The following CDH13 variants were observed in gnomAD, a reference collection of about 807,000 sequenced individuals.
CDH13 encodes cadherin 13, also known as cadherin-13.
In CDH13, 24 loss-of-function variants were observed where a neutral mutation model predicts 63.8. The observed-to-expected ratio is 0.38, with a 90% CI of 0.27 to 0.53. The LOEUF is 0.53. Ranked by LOEUF, CDH13 falls within the 20% of genes least tolerant of loss-of-function variation. The pLI, the probability that CDH13 is intolerant of heterozygous loss-of-function variation, is 0.85. For synonymous variants in CDH13, 503 were observed against 355.3 expected (o/e 1.42, Z -4.67); for missense variants, 1,049 against 903.1 (o/e 1.16, Z -2.07).
intron 10 of CDH13, among the ~76,000 whole-genome samples, chr16:83,729,855 T>G (rs422455): frequency 0.53 from 81,311 of 152,024 alleles, 22,534 homozygotes; most frequent in Non-Finnish European, 0.61. Flanking sequence ...GCAGCAAATC[T>G]GTTTGGGATT....
chr16:82,974,454 A>G lies in CDH13; in HGVS notation c.158-57556A>G, dbSNP rs776247170. On this transcript the variant is annotated intron_variant, in intron 2 of 13. Transcript: ENST00000567109. ...GGGTGTAAAAGGTTCCTTGGCTTAT[A>G]TTTGCCCAGAAATGGAATTTCTGGA... 1.5e-3 allele frequency among the ~76,000 whole-genome samples: 235 copies of G among 152,300 alleles called. 2 individuals carry two copies. Among genetic ancestry groups the G allele is most frequent in the Non-Finnish European group, 2.7e-3 (182 of 68,026 alleles).
intron 10 of CDH13, among the ~76,000 whole-genome samples, chr16:83,745,382 C>T (rs972684539): frequency 6.6e-6 from 1 of 152,114 alleles, no homozygotes; most frequent in African/African-American, 2.4e-5. Context: ...CAACCCAGAC[C>T]GCCTCTGTGT....
intron 5 of CDH13, among the ~76,000 whole-genome samples, chr16:83,236,107 T>C (rs2040134224): frequency 6.6e-6 from 1 of 152,218 alleles, no homozygotes; most frequent in South Asian, 2.1e-4. Context: ...CTCCAAAGTA[T>C]GTGGACGCTC....
At chr16:83,636,385 G>C (rs142564155) in intron 8 of CDH13, among the ~76,000 whole-genome samples, 28 of 152,210 alleles carry the variant, frequency 1.8e-4, no homozygotes, top group Non-Finnish European at 2.8e-4. Flanking sequence ...CTAGGGTTTG[G>C]AGCATGATGA....
At chr16:82,768,620 C>A (rs1014466514) in intron 1 of CDH13, among the ~76,000 whole-genome samples, 2 of 152,292 alleles carry the variant, frequency 1.3e-5, no homozygotes, top group Middle Eastern at 3.4e-3. Context: ...AAATCTTTAT[C>A]CCTATCTCAA....
chr16:82,955,525 C>CT (rs1449945275), intron 2 of CDH13, among the ~76,000 whole-genome samples: 4 of 152,164 alleles, frequency 2.6e-5, no homozygotes, highest in Admixed American at 6.5e-5. Context: ...CATTTTTGGC[C>CT]TGCAGTTTCT....
intron 6 of CDH13, among the ~76,000 whole-genome samples, chr16:83,347,805 G>A (rs1282833075): frequency 1.3e-5 from 2 of 152,176 alleles, no homozygotes; most frequent in African/African-American, 4.8e-5. Flanking sequence ...GCAAATTCTG[G>A]CCACATCTGC....
intron 10 of CDH13, among the ~76,000 whole-genome samples, chr16:83,702,651 C>A (rs1020334119): frequency 6.6e-6 from 1 of 152,198 alleles, no homozygotes; most frequent in Non-Finnish European, 1.5e-5. Flanking sequence ...CATCTCCCCA[C>A]CAGGCCATGA....
chr16:83,720,935 C>T (rs1167081325), intron 10 of CDH13, among the ~76,000 whole-genome samples: 3 of 152,206 alleles, frequency 2.0e-5, no homozygotes, highest in African/African-American at 4.8e-5. Context: ...GAGCATTCCT[C>T]GGTGTGGGAG....
chr16:83,186,885 C>T (rs986985804), intron 4 of CDH13, among the ~76,000 whole-genome samples: 2 of 152,106 alleles, frequency 1.3e-5, no homozygotes, highest in African/African-American at 4.8e-5. Flanking sequence ...CTGGGATCCC[C>T]TGTGAAGGTG....
At chr16:82,642,318 C>A (rs11645359) in intron 1 of CDH13, among the ~76,000 whole-genome samples, 98,230 of 152,018 alleles carry the variant, frequency 0.65, 32,540 homozygotes, top group East Asian at 0.89. Context: ...TAGCCTTGAA[C>A]TCTTTTAAGT....
At chr16:83,571,255 T>G (rs1311080696) in intron 7 of CDH13, among the ~76,000 whole-genome samples, 5 of 152,136 alleles carry the variant, frequency 3.3e-5, no homozygotes, top group Non-Finnish European at 4.4e-5. Context: ...ATGTTTTATT[T>G]GCAAGAGAAT....
At chr16:82,751,961 C>T (rs538169523) in intron 1 of CDH13, among the ~76,000 whole-genome samples, 1 of 152,146 alleles carries the variant, frequency 6.6e-6, no homozygotes, top group African/African-American at 2.4e-5. Flanking sequence ...ATCTGTCTTC[C>T]AGAAACATAC....
chr16:82,647,504 G>C (rs982574004), intron 1 of CDH13, among the ~76,000 whole-genome samples: 4 of 152,140 alleles, frequency 2.6e-5, no homozygotes, highest in African/African-American at 9.7e-5. Context: ...ACTCAGGCAG[G>C]TACTGCTCTG....
intron 5 of CDH13, among the ~76,000 whole-genome samples, chr16:83,264,083 C>T (rs562412971): frequency 1.4e-4 from 21 of 152,244 alleles, no homozygotes; most frequent in African/African-American, 5.1e-4. Context: ...AACATACTGC[C>T]ATTATCATAA....
At chr16:82,795,667 T>C (rs2036544699) in intron 1 of CDH13, among the ~76,000 whole-genome samples, 1 of 152,158 alleles carries the variant, frequency 6.6e-6, no homozygotes, top group Non-Finnish European at 1.5e-5. Context: ...GAGACCTGCA[T>C]TTATCTGTAG....
chr16:83,270,171 C>G (rs995975984), intron 5 of CDH13, among the ~76,000 whole-genome samples: 5 of 152,170 alleles, frequency 3.3e-5, no homozygotes, highest in Non-Finnish European at 5.9e-5. Flanking sequence ...GGGCAATAAT[C>G]TATTGAAATA....
At chr16:82,850,739 C>T (rs1032100956) in intron 1 of CDH13, among the ~76,000 whole-genome samples, 2 of 152,188 alleles carry the variant, frequency 1.3e-5, no homozygotes, top group Admixed American at 6.5e-5. Flanking sequence ...CCCCAACCTT[C>T]ACAACCGCCA....
At chr16:83,758,842 T>C (rs1335924988) in intron 11 of CDH13, among the ~76,000 whole-genome samples, 1 of 152,216 alleles carries the variant, frequency 6.6e-6, no homozygotes, top group Non-Finnish European at 1.5e-5. Flanking sequence ...TCCTCTACAA[T>C]GAAAACTACA....
Sources: allele counts gnomAD v4.1 joint callset (sites outside exome capture counted in the v4.1 genomes callset), GRCh38; gene constraint gnomAD v4.1.1; transcripts MANE v1.5; gene names NCBI Gene and HGNC (gene_info 2026-07-23, HGNC 2026-07-21).